Variants in NAV1 observed in about 807,000 individuals in gnomAD.
The protein encoded by NAV1 is pore membrane and/or filament interacting like protein 3.
A neutral mutation model predicts 175.2 loss-of-function variants in NAV1; 18 were observed. The ratio of observed to expected loss-of-function variants is 0.10; its 90% CI spans 0.07 to 0.15. The LOEUF (loss-of-function observed/expected upper bound fraction) is 0.15, where lower values mean the gene tolerates loss of function less well. NAV1 is among the 10% of genes least tolerant of loss of function. The probability of loss-of-function intolerance (pLI) is 1.00; values close to 1 mark genes in which losing one functional copy is unlikely to be tolerated. For missense variants in NAV1, 1,731 were observed against 2,436.6 expected, an observed-to-expected ratio of 0.71 and a Z score of 6.10; for synonymous variants, 897 against 978.7, an observed-to-expected ratio of 0.92 and a Z score of 1.56.
chr1:201,596,246 C>T (rs892847718), intron 2 of NAV1, among the ~76,000 whole-genome samples: 4 of 152,244 alleles, frequency 2.6e-5, no homozygotes, highest in East Asian at 1.9e-4. Flanking sequence ...AGCCTCTGTC[C>T]ACCTGTAGAC....
intron 3 of NAV1, among the ~76,000 whole-genome samples, chr1:201,731,573 A>G (rs923884967): frequency 6.6e-6 from 1 of 152,070 alleles, no homozygotes; most frequent in Admixed American, 6.6e-5. Context: ...CCAGCTTGGG[A>G]GACAGGAACA....
At chr1:201,541,462 G>A (rs1026361773) in intron 1 of NAV1, among the ~76,000 whole-genome samples, 1 of 152,182 alleles carries the variant, frequency 6.6e-6, no homozygotes, top group African/African-American at 2.4e-5. Flanking sequence ...CTGGGATCTG[G>A]CTTCTTTGAT....
intron 1 of NAV1, among the ~76,000 whole-genome samples, chr1:201,580,429 A>T (rs1324552948): frequency 6.6e-6 from 1 of 152,332 alleles, no homozygotes; most frequent in East Asian, 1.9e-4. Flanking sequence ...GTTCTCAAAG[A>T]GTTCAAAGCC....
chr1:201,680,839 C>T (rs1379344356), intron 1 of NAV1, among the ~76,000 whole-genome samples: 3 of 152,140 alleles, frequency 2.0e-5, no homozygotes, highest in Non-Finnish European at 4.4e-5. Context: ...GGGCAGGGCT[C>T]CACTGCAGAC....
At chr1:201,640,291 C>T (rs1668714222) in intron 2 of NAV1, among the ~76,000 whole-genome samples, 1 of 152,198 alleles carries the variant, frequency 6.6e-6, no homozygotes, top group Non-Finnish European at 1.5e-5. Flanking sequence ...ACTACCAATG[C>T]CCTGGAGAAG....
intron 3 of NAV1, among the ~76,000 whole-genome samples, chr1:201,721,199 A>G (rs1187254839): frequency 1.3e-5 from 2 of 152,218 alleles, no homozygotes; most frequent in Non-Finnish European, 2.9e-5. Context: ...GCATGGCAAT[A>G]TCCATAAAGT....
chr1:201,648,011 C>T (rs554399709), upstream of NAV1, among the ~76,000 whole-genome samples: 58 of 150,044 alleles, frequency 3.9e-4, no homozygotes, highest in African/African-American at 9.1e-4. Context: ...TTTCCCCCTA[C>T]CCCCCACTCA....
intron 2 of NAV1, among the ~76,000 whole-genome samples, chr1:201,636,961 C>T (rs1668632794): frequency 6.6e-6 from 1 of 152,228 alleles, no homozygotes; most frequent in Non-Finnish European, 1.5e-5. Context: ...ACGTTCTCAT[C>T]ATGGCATTGG....
chr1:201,588,007 A>G (rs188317057), intron 1 of NAV1, among the ~76,000 whole-genome samples: 20 of 152,312 alleles, frequency 1.3e-4, no homozygotes, highest in African/African-American at 2.4e-4. Context: ...CAGTTTGGCA[A>G]TTTCTCAAAA....
chr1:201,716,151 T>C (rs1672133165), intron 2 of NAV1, among the ~76,000 whole-genome samples: 1 of 152,156 alleles, frequency 6.6e-6, no homozygotes, highest in Non-Finnish European at 1.5e-5. Flanking sequence ...TATATAACCA[T>C]GGTGTAGGCT....
chr1:201,783,690 T>C, exon 7 of NAV1: 1 of 1,614,234 alleles, frequency 6.2e-7, no homozygotes, highest in Non-Finnish European at 8.5e-7. Flanking sequence ...CTCTCAGGCC[T>C]GCACAGGAGC....
At chr1:201,700,580 A>G (rs1671372465) in intron 1 of NAV1, among the ~76,000 whole-genome samples, 1 of 152,198 alleles carries the variant, frequency 6.6e-6, no homozygotes, top group Admixed American at 6.5e-5. Context: ...CGATTCCATT[A>G]CTAAGTATAT....
chr1:201,785,015 G>A (rs989658468), intron 7 of NAV1, among the ~76,000 whole-genome samples: 11 of 152,000 alleles, frequency 7.2e-5, no homozygotes, highest in South Asian at 2.1e-4. Flanking sequence ...TGATCCACCC[G>A]CCTTGGCCTG....
chr1:201,732,684 A>G (rs1261465096), intron 3 of NAV1, among the ~76,000 whole-genome samples: 1 of 152,252 alleles, frequency 6.6e-6, no homozygotes, highest in Non-Finnish European at 1.5e-5. Flanking sequence ...ATATTTGCTC[A>G]TACATTCCAC....
At chr1:201,781,823 T>A (rs757652338) in intron 5 of NAV1, among the ~76,000 whole-genome samples, 15 of 152,346 alleles carry the variant, frequency 9.8e-5, no homozygotes, top group Non-Finnish European at 1.9e-4. Context: ...CTAAGAGATA[T>A]TGTCATACTC....
intron 1 of NAV1, among the ~76,000 whole-genome samples, chr1:201,629,017 T>C (rs936249172): frequency 2.6e-5 from 4 of 152,204 alleles, no homozygotes; most frequent in Admixed American, 2.0e-4. Flanking sequence ...TATATGTACA[T>C]GGCTGTACAT....
chr1:201,764,063 T>C (rs1175826323), intron 3 of NAV1, among the ~76,000 whole-genome samples: 1 of 152,228 alleles, frequency 6.6e-6, no homozygotes, highest in Non-Finnish European at 1.5e-5. Flanking sequence ...GCAGATGGAT[T>C]CGGGTATTTA....
intron 1 of NAV1, among the ~76,000 whole-genome samples, chr1:201,683,928 C>CCATTCATTCAT (rs1670568849): frequency 6.6e-6 from 1 of 152,142 alleles, no homozygotes; most frequent in Non-Finnish European, 1.5e-5. Context: ...CTCTTCTCCC[C>CCATTCATTCAT]CATTCATTCA....
chr1:201,656,344 GC>G (rs1669401983), intron 1 of NAV1, among the ~76,000 whole-genome samples: 1 of 152,218 alleles, frequency 6.6e-6, no homozygotes, highest in Admixed American at 6.5e-5. Flanking sequence ...GCAGTCCCAA[GC>G]CCCAGTATGC....
Sources: allele counts gnomAD v4.1 joint callset (sites outside exome capture counted in the v4.1 genomes callset), GRCh38; gene constraint gnomAD v4.1.1; transcripts MANE v1.5; gene names NCBI Gene and HGNC (gene_info 2026-07-23, HGNC 2026-07-21).